The following CSMD1 variants were observed in gnomAD, a reference collection of about 807,000 sequenced individuals.
CSMD1 encodes CUB and Sushi multiple domains 1, also known as CUB and sushi domain-containing protein 1.
A neutral mutation model predicts 417.5 loss-of-function variants in CSMD1; 213 were observed. That is an observed-to-expected ratio of 0.51 (90% CI 0.46 to 0.57). The LOEUF (loss-of-function observed/expected upper bound fraction) is 0.57, where lower values mean the gene tolerates loss of function less well. Among genes scored for constraint, CSMD1 ranks in the 20% least tolerant of loss-of-function variants. The pLI, the probability that CSMD1 is intolerant of heterozygous loss-of-function variation, is 0.00. For synonymous variants in CSMD1, 2,862 were observed against 1,736.8 expected, an observed-to-expected ratio of 1.65 and a Z score of -16.11; for missense variants, 6,923 against 4,529.7, an observed-to-expected ratio of 1.53 and a Z score of -15.17.
At chr8:4,072,273 T>G (rs2552125) in intron 3 of CSMD1, among the ~76,000 whole-genome samples, 22,501 of 152,196 alleles carry the variant, frequency 0.15, 1,749 homozygotes, top group South Asian at 0.36. Flanking sequence ...TTGGCCATCC[T>G]GAATTGCACT....
rs377112772 is a variant in CSMD1 at position 4,833,841 on chromosome 8, T to A, written c.85+160491A>T. On this transcript the variant is annotated intron_variant, in intron 1 of 69. Coordinates refer to ENST00000635120, the MANE Select transcript of CSMD1 (RefSeq NM_033225.6). ...GACTTCCAATCAATTGCAAGTTGGC[T>A]ACGTTGGCTAGCTCTGTACTCTAGT... 2.0e-4 allele frequency among the ~76,000 whole-genome samples: 30 copies of A among 152,336 alleles called. 1 individual carries two copies. The South Asian group carries it at 3.5e-3, about 18-fold the overall frequency.
chr8:4,751,889 C>T (rs1011470538), intron 1 of CSMD1, among the ~76,000 whole-genome samples: 2 of 152,154 alleles, frequency 1.3e-5, no homozygotes, highest in Non-Finnish European at 2.9e-5. Flanking sequence ...ATTAATCATC[C>T]ACTTTCTCAG....
At chr8:3,540,926 T>A (rs533844150) in intron 10 of CSMD1, among the ~76,000 whole-genome samples, 1 of 152,244 alleles carries the variant, frequency 6.6e-6, no homozygotes, top group Non-Finnish European at 1.5e-5. Flanking sequence ...TTTACACTGT[T>A]GGTGGGAATG....
chr8:4,793,090 CA>C (rs1223764253), intron 1 of CSMD1, among the ~76,000 whole-genome samples: 3 of 151,918 alleles, frequency 2.0e-5, no homozygotes, highest in Non-Finnish European at 2.9e-5. Flanking sequence ...ATAGCACTGT[CA>C]TATACAATTT....
intron 26 of CSMD1, among the ~76,000 whole-genome samples, chr8:3,235,849 T>C (rs532945109): frequency 6.6e-6 from 1 of 151,948 alleles, no homozygotes; most frequent in Non-Finnish European, 1.5e-5. Flanking sequence ...GTTCATGTTG[T>C]CTAATAAACA....
intron 12 of CSMD1, among the ~76,000 whole-genome samples, chr8:3,412,069 TACATATATACATATATATACACAC>T (rs1812829505): frequency 1.7e-5 from 1 of 57,586 alleles, no homozygotes; most frequent in African/African-American, 7.9e-5. Context: ...CACGTATATA[TACATATATACATATATATACACAC>T]GTATATATAC....
At chr8:4,685,372 G>A (rs890551717) in intron 1 of CSMD1, among the ~76,000 whole-genome samples, 3 of 152,034 alleles carry the variant, frequency 2.0e-5, no homozygotes, top group Non-Finnish European at 4.4e-5. Context: ...TCAGGAGTTC[G>A]AGACCAGCCT....
chr8:4,163,813 T>C (rs577597219), intron 3 of CSMD1, among the ~76,000 whole-genome samples: 70 of 152,334 alleles, frequency 4.6e-4, no homozygotes, highest in African/African-American at 1.6e-3. Context: ...TTTAATTTTC[T>C]ACACCTATAC....
At chr8:3,531,995 C>T (rs934384496) in intron 10 of CSMD1, among the ~76,000 whole-genome samples, 3 of 152,184 alleles carry the variant, frequency 2.0e-5, no homozygotes, top group Non-Finnish European at 2.9e-5. Context: ...CAGATTCATG[C>T]CCTATGCAGA....
intron 3 of CSMD1, among the ~76,000 whole-genome samples, chr8:4,329,169 C>T (rs1051868717): frequency 2.0e-5 from 3 of 152,224 alleles, no homozygotes; most frequent in East Asian, 1.9e-4. Flanking sequence ...TCTCATCAAG[C>T]CCATAATGGA....
chr8:4,213,322 A>G (rs17069490), intron 3 of CSMD1, among the ~76,000 whole-genome samples: 1 of 152,080 alleles, frequency 6.6e-6, no homozygotes, highest in Non-Finnish European at 1.5e-5. Flanking sequence ...TCTGCTCCAG[A>G]CATGCAATTC....
chr8:3,942,993 G>C (rs1036265294), intron 5 of CSMD1, among the ~76,000 whole-genome samples: 3 of 151,982 alleles, frequency 2.0e-5, no homozygotes, highest in Non-Finnish European at 4.4e-5. Context: ...CGTTACTAAG[G>C]GGAGGTCTAA....
At chr8:3,426,622 A>C (rs919357101) in intron 12 of CSMD1, among the ~76,000 whole-genome samples, 1 of 152,204 alleles carries the variant, frequency 6.6e-6, no homozygotes, top group African/African-American at 2.4e-5. Flanking sequence ...TGACACTGCC[A>C]CTTTCAAGGT....
chr8:3,527,125 A>G (rs1484538951), intron 10 of CSMD1, among the ~76,000 whole-genome samples: 1 of 152,096 alleles, frequency 6.6e-6, no homozygotes, highest in Non-Finnish European at 1.5e-5. Context: ...AGAAGACAAC[A>G]TATGAGCCCT....
chr8:3,331,481 C>G (rs1036684379), intron 23 of CSMD1, among the ~76,000 whole-genome samples: 2 of 152,156 alleles, frequency 1.3e-5, no homozygotes, highest in East Asian at 3.9e-4. Context: ...ATTATACTAA[C>G]AGGGTTTGAA....
Position 3,987,864 on chromosome 8 carries a change from G to T in CSMD1, c.818+10039C>A, listed in dbSNP as rs17068401. Among the ~76,000 whole-genome samples the T allele has an allele frequency of 1.3e-3, 198 of 152,206 alleles. 2 individuals are homozygous for T. The highest frequency in any genetic ancestry group is 4.5e-3 in the African/African-American group (188 of 41,522). ...AGCCTGCCAAAAAGAAATGGTTCAG[G>T]GTCCAATCTGTTTGGCACATTGCAA... On this transcript the variant is annotated intron_variant, in intron 5 of 69. Coordinates refer to ENST00000635120, the MANE Select transcript of CSMD1 (RefSeq NM_033225.6).
At chr8:3,814,461 T>A (rs1034733361) in intron 5 of CSMD1, among the ~76,000 whole-genome samples, 26 of 152,294 alleles carry the variant, frequency 1.7e-4, no homozygotes, top group African/African-American at 6.3e-4. Flanking sequence ...GAAATAATGA[T>A]TTGCACACTC....
At chr8:4,375,373 T>G (rs78395945) in intron 3 of CSMD1, among the ~76,000 whole-genome samples, 17 of 152,200 alleles carry the variant, frequency 1.1e-4, no homozygotes, top group African/African-American at 3.6e-4. Context: ...AGGGGCACTT[T>G]TGAGAGGAAA....
chr8:3,920,023 G>GT (rs1809119753), intron 5 of CSMD1, among the ~76,000 whole-genome samples: 3 of 150,848 alleles, frequency 2.0e-5, no homozygotes, highest in Admixed American at 2.0e-4. Flanking sequence ...TACCAAATTT[G>GT]TTTTTTACTT....
Sources: allele counts gnomAD v4.1 joint callset (sites outside exome capture counted in the v4.1 genomes callset), GRCh38; gene constraint gnomAD v4.1.1; transcripts MANE v1.5; gene names NCBI Gene and HGNC (gene_info 2026-07-23, HGNC 2026-07-21).